CDH12: variants seen among roughly 807,000 people sequenced by gnomAD.
CDH12 encodes cadherin-12.
CDH12 carries 41 observed loss-of-function variants against 74.1 expected under a neutral mutation model. The ratio of observed to expected loss-of-function variants is 0.55; its 90% confidence interval spans 0.43 to 0.72. CDH12 has a LOEUF of 0.72. Ranked by LOEUF, CDH12 falls within the 30% of genes least tolerant of loss-of-function variation. CDH12 has a pLI of 0.00. For synonymous variants in CDH12, 399 were observed against 355.0 expected, an observed-to-expected ratio of 1.12 and a Z score of -1.39; for missense variants, 945 against 977.2, an observed-to-expected ratio of 0.97 and a Z score of 0.44.
intron 1 of CDH12, among the ~76,000 whole-genome samples, chr5:22,721,320 G>C (rs1181374017): frequency 1.3e-5 from 2 of 152,240 alleles, no homozygotes; most frequent in East Asian, 3.9e-4. Flanking sequence ...GAAGTCAAAG[G>C]AGATTATTTT....
intron 4 of CDH12, among the ~76,000 whole-genome samples, chr5:22,089,786 AG>A: frequency 6.6e-6 from 1 of 152,280 alleles, no homozygotes; most frequent in South Asian, 2.1e-4. Context: ...GGAAATTAAA[AG>A]GTGAAAAAGT....
At chr5:22,201,666 A>C (rs1580394007) in intron 4 of CDH12, among the ~76,000 whole-genome samples, 1 of 152,256 alleles carries the variant, frequency 6.6e-6, no homozygotes, top group Non-Finnish European at 1.5e-5. Context: ...CCCCTTAAAT[A>C]TATACAAAAA....
chr5:22,036,554 G>A lies in CDH12; in HGVS notation c.231+41892C>T, dbSNP rs116706340. On this transcript the variant is annotated intron_variant, in intron 5 of 14. Coordinates refer to ENST00000382254, the MANE Select transcript of CDH12 (RefSeq NM_004061.5). ...CAGTTTGGACTGTGCGTGTGTGTGT[G>A]AGTGTGTGTGTGCACGTGTGCGTGC... Among the ~76,000 whole-genome samples the A allele has an allele frequency of 7.9e-3, 1,198 of 152,216 alleles. 17 individuals carry two copies. Among genetic ancestry groups the A allele is most frequent in the African/African-American group, 0.028 (1,152 of 41,540 alleles).
At chr5:22,544,343 T>G (rs1738225488) in intron 1 of CDH12, among the ~76,000 whole-genome samples, 1 of 152,158 alleles carries the variant, frequency 6.6e-6, no homozygotes, top group Non-Finnish European at 1.5e-5. Context: ...CCATATATAA[T>G]TATTTGTCCA....
chr5:22,807,377 TTAA>T (rs1209725063), intron 1 of CDH12, among the ~76,000 whole-genome samples: 12 of 152,200 alleles, frequency 7.9e-5, no homozygotes, highest in Non-Finnish European at 1.5e-4. Flanking sequence ...TTTTAGACTA[TTAA>T]TCCGTATATC....
At chr5:22,609,819 T>G (rs775891658) in intron 1 of CDH12, among the ~76,000 whole-genome samples, 1 of 152,250 alleles carries the variant, frequency 6.6e-6, no homozygotes, top group African/African-American at 2.4e-5. Flanking sequence ...TTTTTGATTG[T>G]TGTTTATTCC....
intron 6 of CDH12, among the ~76,000 whole-genome samples, chr5:21,970,451 A>G (rs1371856529): frequency 6.6e-6 from 1 of 152,166 alleles, no homozygotes; most frequent in Non-Finnish European, 1.5e-5. Flanking sequence ...GGAGACTTAT[A>G]TATGTTTCTA....
chr5:22,663,180 T>C (rs1740436459), intron 1 of CDH12, among the ~76,000 whole-genome samples: 1 of 107,318 alleles, frequency 9.3e-6, no homozygotes. Context: ...ATATTTAAAC[T>C]ATGAGAACCA....
chr5:21,944,742 G>A (rs972805510), intron 6 of CDH12, among the ~76,000 whole-genome samples: 1 of 152,160 alleles, frequency 6.6e-6, no homozygotes, highest in Non-Finnish European at 1.5e-5. Context: ...CCTGGTGTCA[G>A]TGGACCATAT....
intron 4 of CDH12, among the ~76,000 whole-genome samples, chr5:22,198,050 A>G (rs1378459543): frequency 1.3e-5 from 2 of 151,764 alleles, no homozygotes; most frequent in African/African-American, 4.8e-5. Flanking sequence ...AATCATATTT[A>G]AAAGAATAAA....
intron 4 of CDH12, among the ~76,000 whole-genome samples, chr5:22,138,871 T>TATATATATATATATAC (rs1746622364): frequency 7.2e-6 from 1 of 138,372 alleles, no homozygotes; most frequent in African/African-American, 2.6e-5. Flanking sequence ...TATATATATA[T>TATATATATATATATAC]ATATACATGT....
At chr5:22,069,140 C>T (rs1242439495) in intron 5 of CDH12, among the ~76,000 whole-genome samples, 1 of 152,170 alleles carries the variant, frequency 6.6e-6, no homozygotes, top group Non-Finnish European at 1.5e-5. Flanking sequence ...CCTTATCTAC[C>T]ATCCTGATCT....
intron 1 of CDH12, among the ~76,000 whole-genome samples, chr5:22,623,440 T>G (rs951427310): frequency 3.9e-5 from 6 of 152,174 alleles, no homozygotes; most frequent in Non-Finnish European, 8.8e-5. Context: ...AAAATCTCCT[T>G]AAGCTGATAA....
intron 5 of CDH12, among the ~76,000 whole-genome samples, chr5:22,063,714 T>C (rs1356797218): frequency 1.3e-5 from 2 of 152,070 alleles, no homozygotes; most frequent in Non-Finnish European, 2.9e-5. Flanking sequence ...AAGGTGTTTT[T>C]TTTTAATGAG....
intron 6 of CDH12, among the ~76,000 whole-genome samples, chr5:21,881,785 A>G (rs1752367178): frequency 6.6e-6 from 1 of 152,194 alleles, no homozygotes; most frequent in African/African-American, 2.4e-5. Context: ...TATGCAAGGA[A>G]TTTTCCACAG....
intron 1 of CDH12, among the ~76,000 whole-genome samples, chr5:22,639,297 G>A (rs960092199): frequency 4.0e-5 from 6 of 151,858 alleles, no homozygotes; most frequent in African/African-American, 1.5e-4. Flanking sequence ...AAGCAGTAAA[G>A]GTTAAGCTAA....
At chr5:21,818,152 A>C (rs1426885144) in intron 8 of CDH12, among the ~76,000 whole-genome samples, 1 of 151,980 alleles carries the variant, frequency 6.6e-6, no homozygotes, top group Non-Finnish European at 1.5e-5. Context: ...ACCAAAATCT[A>C]AAGTTTCCAT....
chr5:21,944,511 T>C (rs1755480451), intron 6 of CDH12, among the ~76,000 whole-genome samples: 1 of 152,194 alleles, frequency 6.6e-6, no homozygotes, highest in African/African-American at 2.4e-5. Context: ...GGAGTTAATA[T>C]TGTTAGTGTT....
intron 1 of CDH12, among the ~76,000 whole-genome samples, chr5:22,738,133 T>C (rs1744835596): frequency 1.3e-5 from 2 of 151,928 alleles, no homozygotes; most frequent in Admixed American, 1.3e-4. Flanking sequence ...AGCTGGAGAA[T>C]GCTACAGAGG....
Sources: allele counts gnomAD v4.1 joint callset (sites outside exome capture counted in the v4.1 genomes callset), GRCh38; gene constraint gnomAD v4.1.1; transcripts MANE v1.5; gene names NCBI Gene and HGNC (gene_info 2026-07-23, HGNC 2026-07-21).